The following TMEM114 variants were observed in gnomAD, a reference collection of about 807,000 sequenced individuals.
TMEM114 encodes the protein claudin-26.
TMEM114 carries 6 observed loss-of-function variants against 6.2 expected under a neutral mutation model. The ratio of observed to expected loss-of-function variants is 0.97; its 90% confidence interval spans 0.53 to 1.91. The LOEUF (loss-of-function observed/expected upper bound fraction) is 1.91, where lower values mean the gene tolerates loss of function less well. Among genes scored for constraint, TMEM114 ranks in the 40% most tolerant of loss-of-function variants. The pLI, the probability that TMEM114 is intolerant of heterozygous loss-of-function variation, is 0.01. For missense variants in TMEM114, 218 were observed against 158.3 expected (o/e 1.38, Z -2.02); for synonymous variants, 104 against 73.0 (o/e 1.42, Z -2.16).
downstream of TMEM114, among the ~76,000 whole-genome samples, chr16:8,533,349 G>A (rs1317579607): frequency 6.6e-6 from 1 of 152,224 alleles, no homozygotes; most frequent in Non-Finnish European, 1.5e-5. Flanking sequence ...ATTCTGGGAA[G>A]AGAGAGGAGC....
intron 2 of TMEM114, among the ~76,000 whole-genome samples, chr16:8,587,259 A>G (rs1902346719): frequency 6.6e-6 from 1 of 152,214 alleles, no homozygotes; most frequent in East Asian, 1.9e-4. Flanking sequence ...TCCACCTACA[A>G]TATAATATAA....
At chr16:8,568,807 C>T (rs1048630676), downstream of TMEM114, among the ~76,000 whole-genome samples, 2 of 152,322 alleles carry the variant, frequency 1.3e-5, no homozygotes, top group Middle Eastern at 6.8e-3. Context: ...GATGCCTGGA[C>T]ACCAGCCCTA....
At chr16:8,574,582 C>CT (rs1901853664) in intron 2 of TMEM114, among the ~76,000 whole-genome samples, 26 of 142,566 alleles carry the variant, frequency 1.8e-4, no homozygotes, top group Middle Eastern at 3.5e-3. Context: ...TCCTTCCTTC[C>CT]TTCTTTCTTT....
intron 3 of TMEM114, among the ~76,000 whole-genome samples, chr16:8,571,209 A>T (rs1596309267): frequency 6.6e-6 from 1 of 151,118 alleles, no homozygotes; most frequent in Admixed American, 6.6e-5. Context: ...ATTTTTCAAA[A>T]CCTCTGGTCC....
chr16:8,581,024 T>C (rs1177876117), intron 2 of TMEM114, among the ~76,000 whole-genome samples: 1 of 151,976 alleles, frequency 6.6e-6, no homozygotes, highest in Non-Finnish European at 1.5e-5. Context: ...GAAAATAGAG[T>C]ATGTTTGACC....
chr16:8,568,098 C>G (rs538218463), downstream of TMEM114, among the ~76,000 whole-genome samples: 8 of 152,268 alleles, frequency 5.3e-5, 1 homozygote, highest in South Asian at 1.7e-3. Flanking sequence ...AGTTGCGTCC[C>G]TTTCTCTCCT....
intron 2 of TMEM114, among the ~76,000 whole-genome samples, chr16:8,556,234 C>T (rs72776595): frequency 4.9e-3 from 750 of 152,286 alleles, no homozygotes; most frequent in Non-Finnish European, 7.6e-3. Context: ...GCCCCTCTGC[C>T]GGCCTTTGTC....
At chr16:8,527,587 A>G in the TMEM114 span, among the ~76,000 whole-genome samples, 2 of 152,166 alleles carry the variant, frequency 1.3e-5, no homozygotes, top group Non-Finnish European at 2.9e-5. Context: ...GCCAGACTGC[A>G]TTGAAACTGT....
At chr16:8,571,983 C>T (rs1901749220) in intron 3 of TMEM114, 104 bp downstream of exon 3, 2 of 1,352,062 alleles carry the variant, frequency 1.5e-6, no homozygotes, top group Non-Finnish European at 2.0e-6. Flanking sequence ...AACTGAACCC[C>T]ACGAGGCCCT....
At chr16:8,565,405 C>T (rs918707533), downstream of TMEM114, among the ~76,000 whole-genome samples, 2 of 152,142 alleles carry the variant, frequency 1.3e-5, no homozygotes, top group African/African-American at 4.8e-5. Context: ...AGATAGAGCG[C>T]CTTCTCTGAG....
At chr16:8,548,752 T>C (rs185876213) in intron 2 of TMEM114, among the ~76,000 whole-genome samples, 18 of 149,226 alleles carry the variant, frequency 1.2e-4, no homozygotes, top group Admixed American at 1.1e-3. Flanking sequence ...TGTTTTACTT[T>C]AACTGACAGA....
At chr16:8,569,354 A>G, downstream of TMEM114, 1 of 646,586 alleles carries the variant, frequency 1.5e-6, no homozygotes, top group Non-Finnish European at 1.9e-6. Context: ...AGCTCCCCAG[A>G]GAGAGCTGAA....
rs957384302 is a variant in TMEM114 at position 8,569,696 on chromosome 16, G to A, written c.*77C>T. On this transcript the variant is annotated 3_prime_UTR_variant, in exon 4 of 4. Transcript: ENST00000620492. ...CCGAGTGGCCTTTGAGGAAGAAGAG[G>A]CCGCAGCCGATGGAGATCGGTCGGT... 6.8e-7 allele frequency: 1 copy of A among 1,465,350 alleles called. No individual in the cohort carries two copies. The highest frequency in any genetic ancestry group is 2.5e-5 in the East Asian group (1 of 40,044). The allele number at this position is 1,465,350 out of a possible 1,614,324, so 90.8% of individuals were successfully genotyped here.
chr16:8,533,768 C>T (rs1305062790), downstream of TMEM114, among the ~76,000 whole-genome samples: 1 of 152,174 alleles, frequency 6.6e-6, no homozygotes, highest in Non-Finnish European at 1.5e-5. Context: ...TTCCATAGAC[C>T]AGCTTACCGA....
At chr16:8,570,733 G>A (rs748789743) in intron 3 of TMEM114, among the ~76,000 whole-genome samples, 1 of 152,140 alleles carries the variant, frequency 6.6e-6, no homozygotes, top group Non-Finnish European at 1.5e-5. Context: ...AACGGTGCCT[G>A]GCCCACGGTG....
intron 2 of TMEM114, among the ~76,000 whole-genome samples, chr16:8,545,240 C>G (rs1276352710): frequency 6.6e-6 from 1 of 152,118 alleles, no homozygotes; most frequent in Non-Finnish European, 1.5e-5. Flanking sequence ...GAGTCCAAGA[C>G]CAACCTGGGC....
chr16:8,535,549 A>T (rs180975237), downstream of TMEM114, among the ~76,000 whole-genome samples: 4 of 152,326 alleles, frequency 2.6e-5, no homozygotes, highest in African/African-American at 9.6e-5. Flanking sequence ...TTTGCCAAGT[A>T]TTAATAATAT....
chr16:8,587,797 C>A (rs1364986844), intron 2 of TMEM114, among the ~76,000 whole-genome samples: 2 of 152,090 alleles, frequency 1.3e-5, no homozygotes, highest in African/African-American at 4.8e-5. Context: ...GAGCTAAGAC[C>A]GTGCCACTGC....
chr16:8,569,746 C>T lies in TMEM114; in HGVS notation c.*27G>A. The T allele has an allele frequency of 1.3e-6, 2 of 1,530,892 alleles. No homozygotes were observed. Among genetic ancestry groups the T allele is most frequent in the Non-Finnish European group, 1.8e-6 (2 of 1,133,304 alleles). 94.8% of individuals were successfully genotyped at this position (1,530,892 alleles called of 1,614,324 possible). A position where few individuals can be genotyped will look rare whatever the true frequency, so the allele number is the denominator to read the frequency against. ...TGAAGCTCCGGGGCCAAGCCCCTCCCTCCCCTCCACGACCCAGCGCCCAGG... is the reference window on the plus strand; with the variant it reads ...TGAAGCTCCGGGGCCAAGCCCCTCCTTCCCCTCCACGACCCAGCGCCCAGG... On this transcript the variant is annotated 3_prime_UTR_variant, in exon 4 of 4. Coordinates refer to ENST00000620492, the MANE Select transcript of TMEM114 (RefSeq NM_001146336.2).
Sources: gnomAD v4.1 joint callset for allele counts (sites outside exome capture counted in the v4.1 genomes callset) on GRCh38, gnomAD v4.1.1 for gene constraint, MANE v1.5 for transcripts, NCBI Gene and HGNC (gene_info 2026-07-23, HGNC 2026-07-21) for gene names.